POC1A: variants seen among roughly 807,000 people sequenced by gnomAD.
POC1A encodes POC1 centriolar protein A.
In POC1A, 34 loss-of-function variants were observed where a neutral mutation model predicts 47.8. The observed-to-expected ratio is 0.71, with a 90% confidence interval of 0.54 to 0.95. POC1A has a LOEUF of 0.95. Ranked by LOEUF, POC1A falls within the 40% of genes least tolerant of loss-of-function variation. The pLI is 0.00. For missense variants in POC1A, 466 were observed against 528.3 expected (o/e 0.88, Z 1.16); for synonymous variants, 177 against 207.6 (o/e 0.85, Z 1.27).
chr3:52,125,471 G>T (rs1448218582), intron 7 of POC1A, among the ~76,000 whole-genome samples: 5 of 152,102 alleles, frequency 3.3e-5, no homozygotes, highest in African/African-American at 9.7e-5. Flanking sequence ...CAGCCCTCCA[G>T]GGCTGGCCTC....
intron 3 of POC1A, 56 bp downstream of exon 3, chr3:52,149,760 G>A (rs1472579294): frequency 6.5e-7 from 1 of 1,539,886 alleles, no homozygotes; most frequent in Non-Finnish European, 8.9e-7. Flanking sequence ...GGGTGGGGAT[G>A]GCTCTGGCAC....
intron 7 of POC1A, 56 bp from the exon 8 acceptor site, chr3:52,125,237 C>T: frequency 1.4e-6 from 2 of 1,387,094 alleles, no homozygotes; most frequent in Non-Finnish European, 2.0e-6. Flanking sequence ...ATTCTAAATG[C>T]ACAGGAAGAA....
chr3:52,110,129 C>T (rs1703329814), intron 9 of POC1A, among the ~76,000 whole-genome samples: 1 of 152,192 alleles, frequency 6.6e-6, no homozygotes, highest in Non-Finnish European at 1.5e-5. Flanking sequence ...TGCCCACAGA[C>T]GTGAGAATGC....
chr3:52,129,041 A>G (rs1704115455), intron 7 of POC1A, among the ~76,000 whole-genome samples: 2 of 152,156 alleles, frequency 1.3e-5, no homozygotes, highest in South Asian at 4.1e-4. Context: ...GTACTTTGGA[A>G]GGCTGAGGCG....
chr3:52,095,091 G>C (rs1702768132), intron 10 of POC1A, among the ~76,000 whole-genome samples: 2 of 152,202 alleles, frequency 1.3e-5, no homozygotes, highest in Non-Finnish European at 1.5e-5. Context: ...ATCCTATAAA[G>C]TTCTAATTGA....
chr3:52,112,387 C>T (rs945093017), intron 9 of POC1A, among the ~76,000 whole-genome samples: 2 of 152,324 alleles, frequency 1.3e-5, no homozygotes, highest in East Asian at 3.9e-4. Context: ...CACCTGTAAT[C>T]TCAGCACTTT....
chr3:52,117,575 A>G lies in POC1A; in HGVS notation c.981+4804T>C, dbSNP rs140831019. Reference sequence around the variant, plus strand: ...CTAGAACCCAGGCTCTTAACCACAGATGAGCTTTCCTCCTTAAAATGAGAT... The same window carrying G: ...CTAGAACCCAGGCTCTTAACCACAGGTGAGCTTTCCTCCTTAAAATGAGAT... On this transcript the variant is annotated intron_variant, in intron 9 of 10. Coordinates refer to ENST00000296484, the MANE Select transcript of POC1A (RefSeq NM_015426.5). Among the ~76,000 whole-genome samples the G allele has an allele frequency of 3.9e-3, 598 of 152,288 alleles. 3 individuals are homozygous for G. The highest frequency in any genetic ancestry group is 0.014 in the African/African-American group (563 of 41,548).
At chr3:52,151,171 C>A in intron 1 of POC1A, 71 bp from the exon 2 acceptor site, 1 of 1,602,540 alleles carries the variant, frequency 6.2e-7, no homozygotes, top group Non-Finnish European at 8.5e-7. Context: ...CAGCACTCTT[C>A]CTACAACAGC....
At chr3:52,117,187 C>CA (rs751503158) in intron 9 of POC1A, among the ~76,000 whole-genome samples, 4,975 of 129,108 alleles carry the variant, frequency 0.039, 225 homozygotes, top group African/African-American at 0.12. Context: ...GACTCTGTCT[C>CA]AAAAAAAAAA....
At chr3:52,112,727 T>A (rs1703428056) in intron 9 of POC1A, among the ~76,000 whole-genome samples, 2 of 152,112 alleles carry the variant, frequency 1.3e-5, no homozygotes, top group Admixed American at 1.3e-4. Context: ...AGCAGCAGAC[T>A]ACAGTGGGCT....
At chr3:52,127,759 A>G (rs1704063979) in intron 7 of POC1A, among the ~76,000 whole-genome samples, 1 of 148,500 alleles carries the variant, frequency 6.7e-6, no homozygotes, top group African/African-American at 2.5e-5. Flanking sequence ...GCAATGGTAC[A>G]GTCTTGGCTC....
chr3:52,118,836 G>A (rs369144780), intron 9 of POC1A, among the ~76,000 whole-genome samples: 1 of 152,162 alleles, frequency 6.6e-6, no homozygotes, highest in Non-Finnish European at 1.5e-5. Context: ...AGTTCTTGGG[G>A]CATGGCTATG....
intron 8 of POC1A, 59 bp downstream of exon 8, chr3:52,125,054 G>T: frequency 7.4e-7 from 1 of 1,353,976 alleles, no homozygotes; most frequent in South Asian, 1.2e-5. Context: ...GTTTGGTTCT[G>T]AGCAGAAATC....
intron 1 of POC1A, among the ~76,000 whole-genome samples, 162 bp downstream of exon 1, chr3:52,154,193 C>T (rs1438483557): frequency 6.6e-6 from 1 of 152,246 alleles, no homozygotes; most frequent in Non-Finnish European, 1.5e-5. Flanking sequence ...CAGAAAGTGC[C>T]CGACCCAGCG....
chr3:52,101,076 AC>A (rs1401415334), intron 9 of POC1A, among the ~76,000 whole-genome samples: 9 of 125,718 alleles, frequency 7.2e-5, no homozygotes, highest in African/African-American at 2.5e-4. Flanking sequence ...AACAGGGCCC[AC>A]CCCAACCCTC....
intron 1 of POC1A, among the ~76,000 whole-genome samples, chr3:52,153,560 A>G (rs1474722425): frequency 6.6e-6 from 1 of 152,246 alleles, no homozygotes; most frequent in Non-Finnish European, 1.5e-5. Context: ...AACATGCGTA[A>G]GAGAGTGTCC....
At chr3:52,143,141 G>T (rs1356319080) in intron 6 of POC1A, among the ~76,000 whole-genome samples, 3 of 151,586 alleles carry the variant, frequency 2.0e-5, no homozygotes, top group Non-Finnish European at 4.4e-5. Flanking sequence ...GGTGGCTTAG[G>T]GATGAGACAC....
In POC1A at chr3:52,125,168, G is replaced by C. The variant is rs753701089; in HGVS notation, c.827C>G (p.Thr276Ser). 1.2e-6 allele frequency: 2 copies of C among 1,613,854 alleles called. No individual in the cohort carries two copies. Among genetic ancestry groups the C allele is most frequent in the Non-Finnish European group, 1.7e-6 (2 of 1,179,736 alleles). Residue 276 changes from threonine to serine, a missense_variant, in exon 8 of 11, where the codon ACT becomes AGT. By Grantham distance (58) the Thr-to-Ser change is moderately conservative. Transcript: ENST00000296484. ...TLHGHQGPAT[T>S]VAFSRTGEYF... Reference sequence around the variant, plus strand: ...CTCCCCCGTTCTTGAAAAGGCAACAGTGGTGGCTGGTCCCTGGCAGAACAA... The same window carrying C: ...CTCCCCCGTTCTTGAAAAGGCAACACTGGTGGCTGGTCCCTGGCAGAACAA...
chr3:52,080,948 T>C (rs769419847), intron 10 of POC1A, among the ~76,000 whole-genome samples: 9 of 152,224 alleles, frequency 5.9e-5, no homozygotes, highest in Non-Finnish European at 1.2e-4. Flanking sequence ...AAGGCCCTCA[T>C]GGCCAGTGTC....
Sources: gnomAD v4.1 joint callset for allele counts (sites outside exome capture counted in the v4.1 genomes callset) on GRCh38, gnomAD v4.1.1 for gene constraint, MANE v1.5 for transcripts, NCBI Gene and HGNC (gene_info 2026-07-23, HGNC 2026-07-21) for gene names.